The following CYFIP2 variants were observed in gnomAD, a reference collection of about 807,000 sequenced individuals.
CYFIP2 encodes the protein cytoplasmic FMR1 interacting protein 2.
CYFIP2 carries 29 observed loss-of-function variants against 158.7 expected under a neutral mutation model. The observed-to-expected ratio is 0.18, with a 90% CI of 0.14 to 0.25. The LOEUF (loss-of-function observed/expected upper bound fraction) is 0.25, where lower values mean the gene tolerates loss of function less well. Among genes scored for constraint, CYFIP2 ranks in the 10% least tolerant of loss-of-function variants. The probability of loss-of-function intolerance (pLI) is 1.00; values close to 1 mark genes in which losing one functional copy is unlikely to be tolerated. For synonymous variants in CYFIP2, 585 were observed against 617.6 expected (o/e 0.95, Z 0.78); for missense variants, 852 against 1,639.5 (o/e 0.52, Z 8.29).
At chr5:157,365,320 C>T (rs1764260999) in intron 26 of CYFIP2, 1 of 152,070 alleles carries the variant, frequency 6.6e-6, no homozygotes, top group Non-Finnish European at 1.5e-5. Context: ...TTTACTTTTC[C>T]ATTTTTTGTC....
At chr5:157,278,607 G>T (rs902778456) in intron 1 of CYFIP2, among the ~76,000 whole-genome samples, 3 of 152,176 alleles carry the variant, frequency 2.0e-5, no homozygotes, top group African/African-American at 4.8e-5. Context: ...AATTGAATTT[G>T]CAGGATAGTT....
At chr5:157,391,224 G>C (rs535457407) in intron 30 of CYFIP2, among the ~76,000 whole-genome samples, 2 of 152,302 alleles carry the variant, frequency 1.3e-5, no homozygotes, top group African/African-American at 4.8e-5. Context: ...CAGGAAGGCG[G>C]ATCGAAGGGT....
rs1457798273 is a variant in CYFIP2 at position 157,390,542 on chromosome 5, G to A, written c.3468G>A (p.Leu1156=). 2 of 1,527,900 alleles carry A rather than the reference G, an allele frequency of 1.3e-6. No homozygotes were observed. Among genetic ancestry groups the A allele is most frequent in the Non-Finnish European group, 1.8e-6 (2 of 1,132,878 alleles). The allele number at this position is 1,527,900 out of a possible 1,614,324, so 94.6% of individuals were successfully genotyped here. Residue 1156 remains leucine (L), a synonymous_variant, in exon 30 of 31, where the codon TTG becomes TTA. Coordinates refer to ENST00000620254, the MANE Select transcript of CYFIP2 (RefSeq NM_001037333.3). ...CCAGGCAGTGTTTCGGCGATGGCTT[G>A]AACTGGGCTGGTTGCTCCATCATTG... is the stretch of plus-strand genomic sequence containing the variant. ...FTAEQCFGDG[L]NWAGCSIIVL...
chr5:157,314,026 C>A (rs1186575126), intron 11 of CYFIP2, among the ~76,000 whole-genome samples: 1 of 152,064 alleles, frequency 6.6e-6, no homozygotes, highest in Non-Finnish European at 1.5e-5. Flanking sequence ...GCCCAGGAGA[C>A]CAGCCTGGAC....
Position 157,290,679 on chromosome 5 carries a change from TGA to T in CYFIP2, c.207+3573_207+3574del, listed in dbSNP as rs569778403. On this transcript the variant is annotated intron_variant, in intron 3 of 30. Coordinates refer to ENST00000620254, the MANE Select transcript of CYFIP2 (RefSeq NM_001037333.3). ...GTTGATGTGGCTTAGGCATGAGTCA[TGA>T]GTGGCATGCAATGCTGACATTCCTG... Among the ~76,000 whole-genome samples, 61 of 152,344 alleles carry T rather than the reference TGA, an allele frequency of 4.0e-4. No individual in the cohort carries two copies. In the East Asian group the frequency reaches 0.011, roughly 28 times the overall value.
rs199725246 is a variant in CYFIP2, at chr5:157,326,201, C to T, written c.2013C>T (p.Asn671=). Residue 671 remains asparagine (N), a synonymous_variant, in exon 18 of 31, where the codon AAC becomes AAT. Transcript: ENST00000620254. ...EYVLYPLDLY[N]DSAYYALTKF... ...TCCTCTACCCTCTGGATCTGTACAACGACAGCGCCTACTATGCTCTGACCA... is the reference window on the plus strand; with the variant it reads ...TCCTCTACCCTCTGGATCTGTACAATGACAGCGCCTACTATGCTCTGACCA... 477 of 1,613,832 alleles carry T rather than the reference C, an allele frequency of 3.0e-4. No individual in the cohort carries two copies. Among genetic ancestry groups the T allele is most frequent in the Non-Finnish European group, 3.9e-4 (455 of 1,179,844 alleles).
At chr5:157,276,282 T>C (rs971171109) in intron 1 of CYFIP2, among the ~76,000 whole-genome samples, 1 of 152,198 alleles carries the variant, frequency 6.6e-6, no homozygotes, top group African/African-American at 2.4e-5. Flanking sequence ...TGTGGCCACT[T>C]ATTGTCAAGT....
At chr5:157,342,829 G>A in intron 23 of CYFIP2, 1 of 1,578,892 alleles carries the variant, frequency 6.3e-7, no homozygotes, top group Admixed American at 1.8e-5. Context: ...GAAAGCTTTA[G>A]GCTACATGAT....
At chr5:157,297,337 A>G (rs1758336192) in intron 5 of CYFIP2, among the ~76,000 whole-genome samples, 1 of 152,216 alleles carries the variant, frequency 6.6e-6, no homozygotes, top group Non-Finnish European at 1.5e-5. Context: ...TGGCCTTTGG[A>G]GGCAGAGAAG....
intron 28 of CYFIP2, chr5:157,384,206 C>T (rs1766412777): frequency 4.5e-6 from 2 of 442,972 alleles, no homozygotes; most frequent in African/African-American, 2.0e-5. Context: ...TAAGACAGGA[C>T]CCCTGCCTTC....
intron 3 of CYFIP2, among the ~76,000 whole-genome samples, chr5:157,292,227 TA>T (rs1413516230): frequency 3.3e-5 from 5 of 152,094 alleles, no homozygotes; most frequent in East Asian, 1.9e-4. Context: ...TTTATTTTTT[TA>T]TTTTTTTTGA....
At chr5:157,335,682 C>T (rs764064092) in intron 21 of CYFIP2, among the ~76,000 whole-genome samples, 8 of 152,176 alleles carry the variant, frequency 5.3e-5, no homozygotes, top group Non-Finnish European at 1.0e-4. Flanking sequence ...TCCTGGGTCA[C>T]TTACTCCAGG....
At chr5:157,267,238 C>G (rs1333447942) in intron 1 of CYFIP2, among the ~76,000 whole-genome samples, 2 of 152,216 alleles carry the variant, frequency 1.3e-5, no homozygotes, top group Non-Finnish European at 2.9e-5. Context: ...GGATCTTTTT[C>G]TGCTAGTTCC....
chr5:157,389,091 C>T, intron 28 of CYFIP2, 98 bp from the exon 29 acceptor site: 1 of 1,194,824 alleles, frequency 8.4e-7, no homozygotes, highest in South Asian at 1.5e-5. Context: ...GAACCAATTT[C>T]AGGTGCAGCC....
intron 6 of CYFIP2, among the ~76,000 whole-genome samples, 163 bp downstream of exon 6, chr5:157,301,059 T>C (rs454603): frequency 0.81 from 123,457 of 152,148 alleles, 50,566 homozygotes; most frequent in East Asian, 0.99. Context: ...TCAGTGTGGT[T>C]TGAGGAACAG....
intron 20 of CYFIP2, among the ~76,000 whole-genome samples, chr5:157,332,613 C>T (rs1761552005): frequency 6.6e-6 from 1 of 152,192 alleles, no homozygotes. Context: ...CTTATCGGTG[C>T]ATGCACGTAG....
chr5:157,307,947 C>A, intron 9 of CYFIP2, 82 bp downstream of exon 9: 1 of 765,452 alleles, frequency 1.3e-6, no homozygotes, highest in Admixed American at 2.3e-5. Context: ...ATGAAATGAG[C>A]CAGAAAACTG....
chr5:157,394,062 TCAGAAC>T lies in CYFIP2; in HGVS notation c.*1064_*1069del, dbSNP rs1291080397. ...CAAAGAAGAGTCCTCTTTTAGGGAA[TCAGAAC>T]CTTCATTGTCCTAGAAGCTGAAAGA... On this transcript the variant is annotated 3_prime_UTR_variant, in exon 31 of 31. Coordinates refer to ENST00000620254, the MANE Select transcript of CYFIP2 (RefSeq NM_001037333.3). 1 of 152,208 alleles carries T rather than the reference TCAGAAC, an allele frequency of 6.6e-6. No homozygotes were observed. The highest frequency in any genetic ancestry group is 2.4e-5 in the African/African-American group (1 of 41,444). 9.4% of individuals were successfully genotyped at this position (152,208 alleles called of 1,614,324 possible).
At chr5:157,385,741 A>G (rs564099451) in intron 28 of CYFIP2, among the ~76,000 whole-genome samples, 12 of 152,338 alleles carry the variant, frequency 7.9e-5, no homozygotes, top group Non-Finnish European at 1.5e-4. Flanking sequence ...TAATAGAAGC[A>G]TAAGAATTCA....
Sources: gnomAD v4.1 joint callset for allele counts (sites outside exome capture counted in the v4.1 genomes callset) on GRCh38, gnomAD v4.1.1 for gene constraint, MANE v1.5 for transcripts, NCBI Gene and HGNC (gene_info 2026-07-23, HGNC 2026-07-21) for gene names.